Variants in ABCC8 observed in about 807,000 individuals in gnomAD.
ABCC8 encodes the protein ATP binding cassette subfamily C member 8.
Under a neutral mutation model 188.0 loss-of-function variants are expected in ABCC8, and 137 were observed. That is an observed-to-expected ratio of 0.73 (90% confidence interval 0.63 to 0.84). The LOEUF (loss-of-function observed/expected upper bound fraction) is 0.84. ABCC8 is among the 40% of genes least tolerant of loss of function. ABCC8 has a pLI of 0.00. For synonymous variants in ABCC8, 797 were observed against 846.5 expected, an observed-to-expected ratio of 0.94 and a Z score of 1.01; for missense variants, 1,750 against 2,072.7, an observed-to-expected ratio of 0.84 and a Z score of 3.02.
At position 17,460,550 on chromosome 11, in the gene ABCC8, G is replaced by C; in HGVS notation, c.949C>G (p.Pro317Ala). 1 of 1,614,068 alleles carries C rather than the reference G, an allele frequency of 6.2e-7. No individual in the cohort carries two copies. Among genetic ancestry groups the C allele is most frequent in the Non-Finnish European group, 8.5e-7 (1 of 1,180,038 alleles). Residue 317 changes from proline (P) to alanine (A), a missense_variant, in exon 6 of 39, where the codon CCA becomes GCA. Physicochemically the swap from Pro to Ala is conservative, Grantham distance 27. Transcript: ENST00000389817. ...ILADLLGFAG[P>A]LCIFGIVDHL... is the part of the protein sequence containing the mutation. Reference sequence around the variant, plus strand: ...TCCACGATCCCAAAGATGCACAGTGGCCCGGCGAAGCCCAGCAGGTCGGCC... The same window carrying C: ...TCCACGATCCCAAAGATGCACAGTGCCCCGGCGAAGCCCAGCAGGTCGGCC...
At chr11:17,448,808 A>C in intron 7 of ABCC8, 137 bp from the exon 8 acceptor site, 3 of 1,409,744 alleles carry the variant, frequency 2.1e-6, no homozygotes, top group Non-Finnish European at 3.0e-6. Context: ...GTAAGGTGGT[A>C]CTGTATCACC....
intron 26 of ABCC8, 102 bp from the exon 27 acceptor site, chr11:17,405,665 A>G: frequency 6.3e-7 from 1 of 1,589,408 alleles, no homozygotes; most frequent in Non-Finnish European, 8.6e-7. Flanking sequence ...CTCTGGAGTC[A>G]TTCATGGGTC....
At chr11:17,445,466 A>G (rs1475821185) in intron 8 of ABCC8, among the ~76,000 whole-genome samples, 1 of 152,236 alleles carries the variant, frequency 6.6e-6, no homozygotes, top group Admixed American at 6.5e-5. Context: ...TGAGTGGGTT[A>G]TATCTCAATA....
intron 27 of ABCC8, 66 bp downstream of exon 27, chr11:17,405,428 A>AGG: frequency 6.2e-7 from 1 of 1,609,706 alleles, no homozygotes; most frequent in Admixed American, 1.7e-5. Context: ...AGCCTCAGAC[A>AGG]GGAGAAGCCC....
At chr11:17,411,639 C>A (rs1025052558) in intron 21 of ABCC8, among the ~76,000 whole-genome samples, 8 of 152,170 alleles carry the variant, frequency 5.3e-5, no homozygotes, top group African/African-American at 1.9e-4. Context: ...CTTTGAGGCT[C>A]TCCTCCAGGA....
At chr11:17,444,431 C>G (rs1371147930) in intron 8 of ABCC8, 1 of 152,204 alleles carries the variant, frequency 6.6e-6, no homozygotes, top group East Asian at 1.9e-4. Context: ...CATGGCACCC[C>G]AAGCTCACTA....
At chr11:17,414,459 G>A (rs1247335364) in intron 19 of ABCC8, 53 bp downstream of exon 19, 1 of 1,606,848 alleles carries the variant, frequency 6.2e-7, no homozygotes, top group Non-Finnish European at 8.5e-7. Context: ...GGGCAGGCTG[G>A]CCAGAGACAG....
At chr11:17,396,450 G>T in intron 33 of ABCC8, 1 of 292,452 alleles carries the variant, frequency 3.4e-6, no homozygotes, top group Non-Finnish European at 6.6e-6. Flanking sequence ...GAATGACATG[G>T]ACAGCCACAG....
intron 6 of ABCC8, among the ~76,000 whole-genome samples, chr11:17,459,836 T>C (rs1957121931): frequency 6.6e-6 from 1 of 152,216 alleles, no homozygotes; most frequent in Non-Finnish European, 1.5e-5. Flanking sequence ...AAATTTCAGT[T>C]TGCAGAATCG....
chr11:17,396,405 G>C (rs1953930312), intron 33 of ABCC8: 1 of 313,370 alleles, frequency 3.2e-6, no homozygotes, highest in Admixed American at 4.5e-5. Flanking sequence ...AGAAGGATGA[G>C]AGAGGCAGGG....
rs761258571 is a variant in ABCC8 at position 17,415,321 on chromosome 11, C to T, written c.2274G>A (p.Ala758=). The T allele has an allele frequency of 7.5e-6, 12 of 1,610,250 alleles. No homozygotes were observed. The highest frequency in any genetic ancestry group is 5.3e-5 in the African/African-American group (4 of 74,906). Reference sequence around the variant, plus strand: ...CGCAGTACCTGATATCCAAGTCGGTCGCTGTCTCCCGCTCTGGGCTGCAGC... The same window carrying T: ...CGCAGTACCTGATATCCAAGTCGGTTGCTGTCTCCCGCTCTGGGCTGCAGC... ...GEDPSPERET[A]TDLDIRKRGP... is the part of the protein sequence containing the mutation. Residue 758 remains alanine, a synonymous_variant, in exon 18 of 39, where the codon GCG becomes GCA. Transcript: ENST00000389817.
chr11:17,438,092 C>A (rs549216425), intron 10 of ABCC8, among the ~76,000 whole-genome samples: 1 of 152,236 alleles, frequency 6.6e-6, no homozygotes, highest in South Asian at 2.1e-4. Flanking sequence ...CAGAGTGAGA[C>A]TCCATCTCAA....
intron 22 of ABCC8, 122 bp from the exon 23 acceptor site, chr11:17,408,639 C>T: frequency 1.4e-6 from 2 of 1,454,646 alleles, no homozygotes; most frequent in Non-Finnish European, 1.8e-6. Flanking sequence ...AAATGGCCAC[C>T]AGCTCATCCA....
At position 17,404,642 on chromosome 11, in the gene ABCC8, T is replaced by C; in HGVS notation, c.3427A>G (p.Ser1143Gly). The change falls in exon 28 of 39, where the codon AGC (serine) becomes GGC (glycine). Residue 1143 changes from serine (S) to glycine (G), a missense_variant. By Grantham distance (56) the Ser-to-Gly change is moderately conservative (BLOSUM62 0). Transcript: ENST00000389817. The surrounding 1 kb of genome is among the most constrained non-coding windows in gnomAD (Gnocchi z 4.7). ...GAGACACAGAGCAGGGTGGAGCGGC[T>C]CAGGCACTCCAGCGTGGATGGGATG... ...QHIPSTLECL[S>G]RSTLLCVSAL... 1 of 1,612,464 alleles carries C rather than the reference T, an allele frequency of 6.2e-7. No individual in the cohort carries two copies. The highest frequency in any genetic ancestry group is 8.5e-7 in the Non-Finnish European group (1 of 1,179,534).
At chr11:17,432,372 A>G (rs946919378) in intron 10 of ABCC8, 128 bp from the exon 11 acceptor site, 93 of 1,532,836 alleles carry the variant, frequency 6.1e-5, no homozygotes, top group Non-Finnish European at 7.9e-5. Flanking sequence ...CCAGTAGGCT[A>G]GGGGCAGAAC....
In ABCC8 at chr11:17,404,774, A is replaced by G. The variant is rs1240596223; in HGVS notation, c.3400-105T>C. ...CTCTCACTTTATTTTTTGATCCTTTATTTTTTTGAGACTGAGTCTCACTGT... is the reference window on the plus strand; with the variant it reads ...CTCTCACTTTATTTTTTGATCCTTTGTTTTTTTGAGACTGAGTCTCACTGT... On this transcript the variant is annotated intron_variant, in intron 27 of 38. Coordinates refer to ENST00000389817, the MANE Select transcript of ABCC8 (RefSeq NM_000352.6). This position sits in a 1 kb window ranked among gnomAD's most constrained non-coding sequence, Gnocchi z 4.7. The G allele has an allele frequency of 4.7e-6, 7 of 1,496,580 alleles. No individual in the cohort carries two copies. The Admixed American group carries it at 9.9e-5, about 21-fold the overall frequency. 92.7% of individuals were successfully genotyped at this position (1,496,580 alleles called of 1,614,324 possible).
chr11:17,399,207 T>A (rs1591720872), intron 29 of ABCC8: 1 of 121,654 alleles, frequency 8.2e-6, no homozygotes, highest in African/African-American at 3.2e-5. Flanking sequence ...ACCCGGGAGG[T>A]GGAGGTTGCA....
chr11:17,448,244 C>T (rs1163046788), intron 8 of ABCC8: 1 of 448,236 alleles, frequency 2.2e-6, no homozygotes, highest in Non-Finnish European at 4.1e-6. Context: ...GCCCCTGAAC[C>T]TGGCTTGATT....
chr11:17,423,579 C>T (rs1361598277), intron 16 of ABCC8, among the ~76,000 whole-genome samples: 1 of 152,106 alleles, frequency 6.6e-6, no homozygotes, highest in Non-Finnish European at 1.5e-5. Flanking sequence ...GGAAGCTGGA[C>T]CAGGACCGGG....
Sources: gnomAD v4.1 joint callset for allele counts (sites outside exome capture counted in the v4.1 genomes callset) on GRCh38, gnomAD v4.1.1 for gene constraint, Gnocchi (gnomAD v3.1) non-coding constraint, MANE v1.5 for transcripts, NCBI Gene and HGNC (gene_info 2026-07-23, HGNC 2026-07-21) for gene names.